TMEM163: variants seen among roughly 807,000 people sequenced by gnomAD.
The protein encoded by TMEM163 is transmembrane protein 163.
TMEM163 carries 17 observed loss-of-function variants against 29.3 expected under a neutral mutation model. The observed-to-expected ratio is 0.58, with a 90% CI of 0.40 to 0.87. TMEM163 has a LOEUF of 0.87. Ranked by LOEUF, TMEM163 falls within the 40% of genes least tolerant of loss-of-function variation. The probability of loss-of-function intolerance (pLI) is 0.00; values close to 1 mark genes in which losing one functional copy is unlikely to be tolerated. For synonymous variants in TMEM163, 157 were observed against 160.6 expected (o/e 0.98, Z 0.17); for missense variants, 303 against 381.5 (o/e 0.79, Z 1.71).
At chr2:134,635,467 C>T (rs1683082651) in intron 2 of TMEM163, among the ~76,000 whole-genome samples, 1 of 152,134 alleles carries the variant, frequency 6.6e-6, no homozygotes, top group Non-Finnish European at 1.5e-5. Context: ...TGAGGTATCT[C>T]AGAGTGACAA....
At chr2:134,645,015 T>C (rs1442105710) in intron 2 of TMEM163, among the ~76,000 whole-genome samples, 2 of 152,146 alleles carry the variant, frequency 1.3e-5, no homozygotes, top group East Asian at 3.8e-4. Context: ...CATGAAAAGG[T>C]ATTTGACATC....
chr2:134,643,994 C>A (rs955283), intron 2 of TMEM163, among the ~76,000 whole-genome samples: 8,614 of 151,790 alleles, frequency 0.057, 795 homozygotes, highest in African/African-American at 0.19. Context: ...GTATAATTGG[C>A]AATAAGTTTT....
chr2:134,525,041 G>C (rs1313990931), intron 4 of TMEM163, among the ~76,000 whole-genome samples: 4 of 151,798 alleles, frequency 2.6e-5, no homozygotes. Flanking sequence ...GTTGTTTCTT[G>C]ACTTTTTAAT....
intron 4 of TMEM163, among the ~76,000 whole-genome samples, chr2:134,543,055 G>T (rs1226034287): frequency 6.6e-6 from 1 of 152,128 alleles, no homozygotes; most frequent in Non-Finnish European, 1.5e-5. Flanking sequence ...TTCCAAATAA[G>T]GTCACATTCT....
chr2:134,590,685 TC>T (rs1466134956), intron 2 of TMEM163, among the ~76,000 whole-genome samples: 1 of 152,196 alleles, frequency 6.6e-6, no homozygotes, highest in African/African-American at 2.4e-5. Flanking sequence ...TATGGTTATT[TC>T]CTAATTATAT....
At chr2:134,698,684 T>C (rs770309776) in intron 2 of TMEM163, among the ~76,000 whole-genome samples, 2 of 152,188 alleles carry the variant, frequency 1.3e-5, no homozygotes, top group African/African-American at 2.4e-5. Flanking sequence ...CATTGTAAGC[T>C]CTAAATATTG....
chr2:134,664,776 A>G (rs1388226777), intron 2 of TMEM163, among the ~76,000 whole-genome samples: 1 of 152,202 alleles, frequency 6.6e-6, no homozygotes, highest in East Asian at 1.9e-4. Flanking sequence ...CAGAAGGAAC[A>G]AACCCTGCTG....
chr2:134,546,483 A>G lies in TMEM163; in HGVS notation c.458+4087T>C, dbSNP rs187272781. 1.1e-4 allele frequency among the ~76,000 whole-genome samples: 16 copies of G among 152,248 alleles called. No homozygotes were observed. In the East Asian group the frequency reaches 3.1e-3, roughly 29 times the overall value. ...ATGGCAAAACTCCATCTCTACTAAA[A>G]ATACAAAAAAATTAGCCGGGCCCCA... On this transcript the variant is annotated intron_variant, in intron 4 of 7. Transcript: ENST00000281924.
intron 2 of TMEM163, among the ~76,000 whole-genome samples, chr2:134,655,367 C>T (rs879105001): frequency 2.4e-4 from 26 of 110,284 alleles, no homozygotes; most frequent in Middle Eastern, 3.7e-3. Context: ...GCATTCTTCA[C>T]GTAGTTCTCG....
intron 5 of TMEM163, among the ~76,000 whole-genome samples, chr2:134,497,157 A>G (rs1481695370): frequency 6.6e-6 from 1 of 152,196 alleles, no homozygotes; most frequent in Non-Finnish European, 1.5e-5. Context: ...TGTAGCAGCT[A>G]ATGAGTCTCT....
At chr2:134,548,872 G>A (rs899693193) in intron 4 of TMEM163, among the ~76,000 whole-genome samples, 1 of 152,266 alleles carries the variant, frequency 6.6e-6, no homozygotes, top group South Asian at 2.1e-4. Flanking sequence ...CATGAGGTCA[G>A]GTGAGGAATT....
chr2:134,552,576 G>A (rs1680954368), intron 2 of TMEM163, among the ~76,000 whole-genome samples: 1 of 150,852 alleles, frequency 6.6e-6, no homozygotes, highest in Non-Finnish European at 1.5e-5. Context: ...AGTGACAAAT[G>A]ATCTTAAACA....
At chr2:134,595,067 C>T (rs1410850340) in intron 2 of TMEM163, among the ~76,000 whole-genome samples, 1 of 151,846 alleles carries the variant, frequency 6.6e-6, no homozygotes, top group East Asian at 1.9e-4. Context: ...ATCAATTATA[C>T]ATAAAGCATA....
chr2:134,709,212 A>G (rs1684876983), intron 2 of TMEM163, among the ~76,000 whole-genome samples: 1 of 152,176 alleles, frequency 6.6e-6, no homozygotes, highest in Non-Finnish European at 1.5e-5. Flanking sequence ...CAGGATTGCC[A>G]TTTTCCATGC....
chr2:134,605,195 A>C (rs1304356030), intron 2 of TMEM163, among the ~76,000 whole-genome samples: 3 of 151,862 alleles, frequency 2.0e-5, no homozygotes, highest in Non-Finnish European at 2.9e-5. Flanking sequence ...AAAAAAAAAA[A>C]ACCACAATCT....
intron 6 of TMEM163, 79 bp from the exon 7 acceptor site, chr2:134,458,252 ACGTAACTGGAGC>A: frequency 6.4e-7 from 1 of 1,551,564 alleles, no homozygotes; most frequent in Middle Eastern, 1.8e-4. Flanking sequence ...TCCTGCCTCC[ACGTAACTGGAGC>A]ATGTGCTGGG....
chr2:134,670,751 G>A (rs183288500), intron 2 of TMEM163, among the ~76,000 whole-genome samples: 1 of 152,304 alleles, frequency 6.6e-6, no homozygotes, highest in Admixed American at 6.5e-5. Context: ...CCTTTTAACT[G>A]AGTTTGGCTG....
intron 2 of TMEM163, among the ~76,000 whole-genome samples, chr2:134,564,374 G>GA (rs1465969794): frequency 6.6e-6 from 1 of 152,140 alleles, no homozygotes; most frequent in Non-Finnish European, 1.5e-5. Flanking sequence ...TCCATATAGA[G>GA]AAAACTGTCG....
intron 2 of TMEM163, among the ~76,000 whole-genome samples, chr2:134,594,851 GTCTCTCTCTCTCTCTC>G (rs70973456): frequency 6.8e-6 from 1 of 147,852 alleles, no homozygotes; most frequent in African/African-American, 2.5e-5. Flanking sequence ...GAGACCTTGA[GTCTCTCTCTCTCTCTC>G]TCTCTCTCTC....
Sources: allele counts gnomAD v4.1 joint callset (sites outside exome capture counted in the v4.1 genomes callset), GRCh38; gene constraint gnomAD v4.1.1; transcripts MANE v1.5; gene names NCBI Gene and HGNC (gene_info 2026-07-23, HGNC 2026-07-21).